Variants in BLTP1 observed in about 807,000 individuals in gnomAD.
BLTP1 encodes the protein bridge-like lipid transfer protein family member 1.
the BLTP1 span, chr4:122,306,674 G>A: frequency 7.4e-6 from 7 of 944,624 alleles, no homozygotes; most frequent in Non-Finnish European, 8.8e-6. Context: ...GAGTAAGAGA[G>A]AATAAGAATG....
chr4:122,237,510 A>T, the BLTP1 span: 1 of 469,546 alleles, frequency 2.1e-6, no homozygotes, highest in Non-Finnish European at 2.8e-6. Flanking sequence ...AAAGGGGAAA[A>T]TGCTTAAAAT....
chr4:122,330,573 T>C, the BLTP1 span, among the ~76,000 whole-genome samples: 3 of 151,910 alleles, frequency 2.0e-5, no homozygotes, highest in African/African-American at 4.8e-5. Context: ...CGGATTTTTC[T>C]GGTTTCTGAA....
the BLTP1 span, chr4:122,331,222 A>G: frequency 1.2e-5 from 17 of 1,444,106 alleles, no homozygotes; most frequent in Non-Finnish European, 1.5e-5. Context: ...ACAAAATAGT[A>G]AAATTTATTT....
the BLTP1 span, among the ~76,000 whole-genome samples, chr4:122,361,785 T>C: frequency 6.6e-6 from 1 of 152,184 alleles, no homozygotes; most frequent in African/African-American, 2.4e-5. Context: ...ATATTCAGGA[T>C]GAAATATAGT....
the BLTP1 span, among the ~76,000 whole-genome samples, chr4:122,240,648 C>T: frequency 6.6e-6 from 1 of 152,104 alleles, no homozygotes; most frequent in Non-Finnish European, 1.5e-5. Flanking sequence ...TTCATATCTT[C>T]CGTGTCTTAA....
At chr4:122,312,937 T>G in the BLTP1 span, 1 of 846,928 alleles carries the variant, frequency 1.2e-6, no homozygotes, top group African/African-American at 1.8e-5. Context: ...AAGGTCTTAA[T>G]TCTATGTTTA....
the BLTP1 span, chr4:122,162,815 T>A: frequency 1.3e-5 from 3 of 235,014 alleles, no homozygotes; most frequent in South Asian, 4.7e-4. Flanking sequence ...GACTCATACT[T>A]TAAAAATATA....
the BLTP1 span, chr4:122,173,291 G>C: frequency 2.8e-5 from 26 of 940,330 alleles, no homozygotes; most frequent in South Asian, 4.0e-4. Context: ...AGTTCTGGAG[G>C]CTGGGAAGTC....
chr4:122,227,330 A>G, the BLTP1 span: 10 of 986,062 alleles, frequency 1.0e-5, no homozygotes, highest in South Asian at 2.3e-4. Context: ...AGTCATTACA[A>G]TATCTTCACA....
At chr4:122,271,430 A>C in the BLTP1 span, 1 of 1,613,914 alleles carries the variant, frequency 6.2e-7, no homozygotes, top group Non-Finnish European at 8.5e-7. Context: ...CAATAGAGTA[A>C]ATAATGCAAA....
chr4:122,362,360 C>A, the BLTP1 span: 1 of 855,984 alleles, frequency 1.2e-6, no homozygotes, highest in Non-Finnish European at 1.7e-6. Context: ...AAATTTGTGG[C>A]TATAATTAAA....
chr4:122,197,124 TAAC>T, the BLTP1 span: 5 of 786,912 alleles, frequency 6.4e-6, no homozygotes, highest in South Asian at 6.6e-5. Flanking sequence ...TCTGTAATAA[TAAC>T]TGAAAAGTAA....
chr4:122,209,059 C>G, the BLTP1 span: 1,643 of 1,113,806 alleles, frequency 1.5e-3, 23 homozygotes, highest in African/African-American at 0.026. Context: ...TTCTTTCAAA[C>G]TTATTTCCAA....
At chr4:122,270,882 T>C in the BLTP1 span, 1 of 1,202,280 alleles carries the variant, frequency 8.3e-7, no homozygotes, top group South Asian at 1.7e-5. Flanking sequence ...AAGCATATTT[T>C]ACTGGTTTGC....
At chr4:122,200,019 A>G in the BLTP1 span, 5 of 977,384 alleles carry the variant, frequency 5.1e-6, no homozygotes, top group Non-Finnish European at 6.1e-6. Flanking sequence ...AACAATAACA[A>G]AAGCTGCTAT....
the BLTP1 span, among the ~76,000 whole-genome samples, chr4:122,157,852 C>G: frequency 6.6e-6 from 1 of 152,156 alleles, no homozygotes; most frequent in South Asian, 2.1e-4. Flanking sequence ...CCATTTGGCT[C>G]TCTGCCTAGC....
the BLTP1 span, chr4:122,152,439 G>T: frequency 1.0e-6 from 1 of 985,752 alleles, no homozygotes; most frequent in Non-Finnish European, 1.2e-6. Flanking sequence ...GGGCGGCGGG[G>T]CTAAAGGGTG....
chr4:122,235,846 A>G, the BLTP1 span, among the ~76,000 whole-genome samples: 1 of 152,238 alleles, frequency 6.6e-6, no homozygotes, highest in Non-Finnish European at 1.5e-5. Flanking sequence ...TAACTCTGCA[A>G]ATACACCAGT....
At chr4:122,275,086 A>G in the BLTP1 span, among the ~76,000 whole-genome samples, 21 of 152,108 alleles carry the variant, frequency 1.4e-4, no homozygotes, top group Admixed American at 1.2e-3. Flanking sequence ...ATAGCTGCCT[A>G]CTATTCAGAT....
Sources: allele counts gnomAD v4.1 joint callset (sites outside exome capture counted in the v4.1 genomes callset), GRCh38; gene constraint gnomAD v4.1.1; transcripts MANE v1.5; gene names NCBI Gene and HGNC (gene_info 2026-07-23, HGNC 2026-07-21).